Variants in GALNT17 observed in about 807,000 individuals in gnomAD.
The protein encoded by GALNT17 is polypeptide N-acetylgalactosaminyltransferase 17, also known as UDP-GalNAc:polypeptide N-acetylgalactosaminyltransferase-like 3.
In GALNT17, 29 loss-of-function variants were observed where a neutral mutation model predicts 63.7. The observed-to-expected ratio is 0.46, with a 90% CI of 0.34 to 0.62. GALNT17 has a LOEUF of 0.62. Ranked by LOEUF, GALNT17 falls within the 20% of genes least tolerant of loss-of-function variation. GALNT17 has a pLI of 0.01. For synonymous variants in GALNT17, 305 were observed against 318.3 expected (o/e 0.96, Z 0.45); for missense variants, 603 against 799.6 (o/e 0.75, Z 2.97).
intron 5 of GALNT17, among the ~76,000 whole-genome samples, chr7:71,513,088 G>A (rs1350334804): frequency 6.6e-6 from 1 of 152,168 alleles, no homozygotes; most frequent in Non-Finnish European, 1.5e-5. Context: ...GTTTTTCAGG[G>A]ATGGTTGTTG....
intron 1 of GALNT17, among the ~76,000 whole-genome samples, chr7:71,205,387 C>T (rs1444726225): frequency 1.3e-5 from 2 of 151,940 alleles, no homozygotes; most frequent in African/African-American, 2.4e-5. Context: ...CTCTTGACCT[C>T]GTGATCCGCC....
chr7:71,262,392 A>G (rs1790400979), intron 1 of GALNT17, among the ~76,000 whole-genome samples: 1 of 152,110 alleles, frequency 6.6e-6, no homozygotes, highest in African/African-American at 2.4e-5. Flanking sequence ...CTGAGATTAC[A>G]GGTGTAAGCC....
At chr7:71,278,166 C>T (rs1233858268) in intron 1 of GALNT17, among the ~76,000 whole-genome samples, 1 of 152,180 alleles carries the variant, frequency 6.6e-6, no homozygotes, top group Non-Finnish European at 1.5e-5. Flanking sequence ...GTTTAATCCA[C>T]ATAACTAGTC....
chr7:71,704,488 C>CTTTTT (rs34146294), intron 9 of GALNT17, among the ~76,000 whole-genome samples: 1 of 141,408 alleles, frequency 7.1e-6, no homozygotes, highest in African/African-American at 2.6e-5. Flanking sequence ...TGCCAACTGC[C>CTTTTT]TTTTTTTTTT....
intron 1 of GALNT17, among the ~76,000 whole-genome samples, chr7:71,184,858 T>A (rs1448330950): frequency 6.6e-6 from 1 of 152,038 alleles, no homozygotes; most frequent in Non-Finnish European, 1.5e-5. Context: ...GTATAAGACT[T>A]CTGGATGTGG....
chr7:71,148,854 GTATTTTTA>G lies in GALNT17; in HGVS notation c.238+15818_238+15825del, dbSNP rs1369441458. Reference sequence around the variant, plus strand: ...TTTGATGAAATACAGTAGTATTATGGTATTTTTATATATATATATATATATATATATAT... The same window carrying G: ...TTTGATGAAATACAGTAGTATTATGGTATATATATATATATATATATATAT... On this transcript the variant is annotated intron_variant, in intron 1 of 10. Coordinates refer to ENST00000333538, the MANE Select transcript of GALNT17 (RefSeq NM_022479.3). Among the ~76,000 whole-genome samples the G allele has an allele frequency of 9.2e-3, 862 of 93,998 alleles. 10 individuals are homozygous for G. Among genetic ancestry groups the G allele is most frequent in the African/African-American group, 0.035 (752 of 21,510 alleles). 61.7% of individuals were successfully genotyped at this position (93,998 alleles called of 152,430 possible).
intron 5 of GALNT17, among the ~76,000 whole-genome samples, chr7:71,540,093 C>CTTTTTTTTTTTTTTTTTTTTTTTTTT (rs71089954): frequency 3.0e-5 from 1 of 33,524 alleles, no homozygotes. Flanking sequence ...TGTGCCTGGC[C>CTTTTTTTTTTTTTTTTTTTTTTTTTT]TTTTTTTTTT....
intron 2 of GALNT17, among the ~76,000 whole-genome samples, chr7:71,377,085 CA>C (rs34111153): frequency 0.066 from 1,224 of 18,540 alleles, 70 homozygotes; most frequent in Non-Finnish European, 0.084. Context: ...TATTCCATCT[CA>C]AAAAAAAAAA....
intron 10 of GALNT17, 24 bp from the exon 11 acceptor site, chr7:71,711,994 C>T: frequency 6.2e-7 from 1 of 1,613,528 alleles, no homozygotes; most frequent in Admixed American, 1.7e-5. Flanking sequence ...CTTCTCCTCT[C>T]TTCTCGATTT....
chr7:71,300,524 A>AT (rs1791176211), intron 1 of GALNT17: 1 of 416,064 alleles, frequency 2.4e-6, no homozygotes, highest in Admixed American at 2.8e-5. Context: ...TCTCATCCTA[A>AT]TAAGTGAGAA....
intron 6 of GALNT17, among the ~76,000 whole-genome samples, chr7:71,617,012 A>T (rs12699059): frequency 0.44 from 62,786 of 144,032 alleles, 15,753 homozygotes; most frequent in East Asian, 0.76. Flanking sequence ...TTAATTACAC[A>T]TTAAATACTA....
At chr7:71,229,305 A>C (rs1007941268) in intron 1 of GALNT17, among the ~76,000 whole-genome samples, 2 of 152,168 alleles carry the variant, frequency 1.3e-5, no homozygotes, top group Non-Finnish European at 2.9e-5. Flanking sequence ...CTGTCAACGG[A>C]CCCAGGATTC....
intron 9 of GALNT17, among the ~76,000 whole-genome samples, chr7:71,704,955 A>G (rs922648984): frequency 5.3e-5 from 8 of 152,164 alleles, no homozygotes; most frequent in African/African-American, 1.7e-4. Context: ...GGATTTTGCA[A>G]TGGTTTCTTA....
intron 5 of GALNT17, among the ~76,000 whole-genome samples, chr7:71,480,703 C>T (rs1787803321): frequency 1.3e-5 from 2 of 152,122 alleles, no homozygotes; most frequent in Admixed American, 6.6e-5. Flanking sequence ...GAAAGGGTTT[C>T]AACATGTTGG....
intron 6 of GALNT17, among the ~76,000 whole-genome samples, chr7:71,654,217 G>A (rs561746474): frequency 7.2e-5 from 11 of 152,066 alleles, no homozygotes; most frequent in Admixed American, 1.3e-4. Context: ...GGGTTTCACC[G>A]TGTTAGCCAG....
chr7:71,551,475 T>A (rs926551063), intron 5 of GALNT17, among the ~76,000 whole-genome samples: 1 of 152,232 alleles, frequency 6.6e-6, no homozygotes, highest in Non-Finnish European at 1.5e-5. Flanking sequence ...TTCATGCAAG[T>A]CTAACTTTTG....
intron 5 of GALNT17, among the ~76,000 whole-genome samples, chr7:71,491,146 A>T (rs1327973430): frequency 6.6e-6 from 1 of 152,168 alleles, no homozygotes; most frequent in Admixed American, 6.5e-5. Flanking sequence ...GTGAGCCGAG[A>T]TTGTACCATT....
chr7:71,560,193 CAAAAAAAAAAAAAA>C (rs57189106), intron 5 of GALNT17, among the ~76,000 whole-genome samples: 3 of 94,484 alleles, frequency 3.2e-5, no homozygotes. Flanking sequence ...GACTCCATCT[CAAAAAAAAAAAAAA>C]AAAAAAAAAG....
rs997003961 is a variant in GALNT17, at chr7:71,569,310, C to T, written c.963-1975C>T. 5.9e-5 allele frequency among the ~76,000 whole-genome samples: 9 copies of T among 152,062 alleles called. No homozygotes were observed. The East Asian group carries it at 9.6e-4, about 16-fold the overall frequency. ...AAGAATTTTGGATACAAGAGGTACA[C>T]GTGCAGATTTGTTACATGGGTATAT... On this transcript the variant is annotated intron_variant, in intron 5 of 10. Transcript: ENST00000333538.
Sources: gnomAD v4.1 joint callset for allele counts (sites outside exome capture counted in the v4.1 genomes callset) on GRCh38, gnomAD v4.1.1 for gene constraint, MANE v1.5 for transcripts, NCBI Gene and HGNC (gene_info 2026-07-23, HGNC 2026-07-21) for gene names.